Variants in RIC8B observed in about 807,000 individuals in gnomAD.
The protein encoded by RIC8B is RIC8 guanine nucleotide exchange factor B.
Under a neutral mutation model 57.5 loss-of-function variants are expected in RIC8B, and 16 were observed. The ratio of observed to expected loss-of-function variants is 0.28; its 90% CI spans 0.19 to 0.42. The LOEUF (loss-of-function observed/expected upper bound fraction) is 0.42. RIC8B is among the 10% of genes least tolerant of loss of function. The probability of loss-of-function intolerance (pLI) is 1.00; values close to 1 mark genes in which losing one functional copy is unlikely to be tolerated. For synonymous variants in RIC8B, 216 were observed against 250.8 expected, an observed-to-expected ratio of 0.86 and a Z score of 1.31; for missense variants, 481 against 677.0, an observed-to-expected ratio of 0.71 and a Z score of 3.21.
chr12:106,817,027 G>A (rs530364873), intron 3 of RIC8B, among the ~76,000 whole-genome samples: 10 of 152,256 alleles, frequency 6.6e-5, no homozygotes, highest in African/African-American at 2.4e-4. Flanking sequence ...GAAGTGCTCA[G>A]AAATTTAAAT....
At chr12:106,801,957 G>A (rs2044752924) in intron 2 of RIC8B, among the ~76,000 whole-genome samples, 1 of 152,088 alleles carries the variant, frequency 6.6e-6, no homozygotes, top group African/African-American at 2.4e-5. Flanking sequence ...CAGAAATTAA[G>A]GACTATCAGA....
chr12:106,820,583 C>T (rs1279056892), intron 3 of RIC8B, among the ~76,000 whole-genome samples: 5 of 152,104 alleles, frequency 3.3e-5, no homozygotes, highest in African/African-American at 7.2e-5. Context: ...TCCCTTCTCC[C>T]GTGCTTCCAA....
chr12:106,825,902 A>G, intron 4 of RIC8B, 82 bp downstream of exon 4: 4 of 888,750 alleles, frequency 4.5e-6, no homozygotes, highest in Middle Eastern at 2.2e-4. Flanking sequence ...CAATTGTTAT[A>G]AGCACAAGAA....
At chr12:106,786,173 G>T (rs1302427514) in intron 2 of RIC8B, among the ~76,000 whole-genome samples, 1 of 113,604 alleles carries the variant, frequency 8.8e-6, no homozygotes, top group East Asian at 2.4e-4. Context: ...TTTTTGAGAC[G>T]GAGTCTTGCT....
intron 2 of RIC8B, among the ~76,000 whole-genome samples, chr12:106,810,613 A>G (rs1418794674): frequency 6.6e-6 from 1 of 152,202 alleles, no homozygotes; most frequent in Non-Finnish European, 1.5e-5. Context: ...CTAAAACTTA[A>G]ATAGAAAAGG....
intron 2 of RIC8B, among the ~76,000 whole-genome samples, chr12:106,811,203 G>A (rs1453802291): frequency 6.6e-6 from 1 of 152,264 alleles, no homozygotes. Context: ...TGAAGGAGAA[G>A]TCAAGGTAAT....
intron 8 of RIC8B, among the ~76,000 whole-genome samples, chr12:106,863,302 C>T (rs967354877): frequency 1.3e-5 from 2 of 152,040 alleles, no homozygotes; most frequent in African/African-American, 4.8e-5. Context: ...AGGGAGCCTC[C>T]TTGCACACTT....
At chr12:106,851,092 G>A (rs527308372) in intron 6 of RIC8B, among the ~76,000 whole-genome samples, 555 of 152,268 alleles carry the variant, frequency 3.6e-3, no homozygotes, top group Non-Finnish European at 5.9e-3. Flanking sequence ...TATTAGGGAA[G>A]TCTTCATGGA....
intron 4 of RIC8B, among the ~76,000 whole-genome samples, chr12:106,842,282 T>TA (rs1339626765): frequency 6.6e-6 from 1 of 152,198 alleles, no homozygotes; most frequent in African/African-American, 2.4e-5. Flanking sequence ...GTTGCCATAA[T>TA]AAAATTAAGG....
intron 2 of RIC8B, among the ~76,000 whole-genome samples, chr12:106,790,565 A>G (rs2044223850): frequency 1.3e-5 from 2 of 152,236 alleles, no homozygotes; most frequent in Admixed American, 6.5e-5. Context: ...CAAATATGTC[A>G]TGCAAATATG....
At chr12:106,838,442 G>A (rs1426904271) in intron 4 of RIC8B, among the ~76,000 whole-genome samples, 6 of 151,948 alleles carry the variant, frequency 3.9e-5, no homozygotes, top group Admixed American at 3.9e-4. Context: ...GGAGGCTCAG[G>A]TGGGAGGATC....
At chr12:106,774,944 G>T in intron 1 of RIC8B, 115 bp downstream of exon 1, 2 of 795,624 alleles carry the variant, frequency 2.5e-6, no homozygotes, top group Non-Finnish European at 4.0e-6. Flanking sequence ...GCTCTCCCCC[G>T]AAAACGTTTC....
chr12:106,804,917 C>G (rs1453379304), intron 2 of RIC8B, among the ~76,000 whole-genome samples: 1 of 152,010 alleles, frequency 6.6e-6, no homozygotes, highest in Admixed American at 6.6e-5. Context: ...AGGAGTGATT[C>G]AAGAAGGTCA....
In RIC8B at chr12:106,811,252, C is replaced by T. The variant is rs532211862; in HGVS notation, c.133-3444C>T. On this transcript the variant is annotated intron_variant, in intron 2 of 9. Coordinates refer to ENST00000392837, the MANE Select transcript of RIC8B (RefSeq NM_001330145.2). ...TCAAGTCTGCCTGCTTTTCTGTGTTCGTCTGGTCAGGTATTCTCAGTTAAC... is the reference window on the plus strand; with the variant it reads ...TCAAGTCTGCCTGCTTTTCTGTGTTTGTCTGGTCAGGTATTCTCAGTTAAC... 4.6e-5 allele frequency among the ~76,000 whole-genome samples: 7 copies of T among 152,314 alleles called. No individual in the cohort carries two copies. The Middle Eastern group carries it at 0.014, about 296-fold the overall frequency.
chr12:106,808,544 T>C (rs2045172122), intron 2 of RIC8B, among the ~76,000 whole-genome samples: 1 of 152,206 alleles, frequency 6.6e-6, no homozygotes, highest in African/African-American at 2.4e-5. Context: ...GGCCAATACT[T>C]TTCTAAAATA....
intron 1 of RIC8B, among the ~76,000 whole-genome samples, chr12:106,783,594 A>G (rs1167250234): frequency 6.6e-6 from 1 of 152,214 alleles, no homozygotes; most frequent in Non-Finnish European, 1.5e-5. Context: ...CCTGTGTTCC[A>G]GTCTCACAAA....
chr12:106,824,775 C>T (rs777059798), intron 3 of RIC8B, among the ~76,000 whole-genome samples: 2 of 151,688 alleles, frequency 1.3e-5, no homozygotes, highest in African/African-American at 2.4e-5. Context: ...GGTGTGGTGG[C>T]GGGCACCTGT....
chr12:106,884,251 T>C (rs902775298), intron 9 of RIC8B, among the ~76,000 whole-genome samples: 1 of 152,224 alleles, frequency 6.6e-6, no homozygotes. Flanking sequence ...TATATTTGTT[T>C]TCCGTGCTCC....
intron 4 of RIC8B, among the ~76,000 whole-genome samples, chr12:106,834,769 G>A (rs1439672382): frequency 3.3e-5 from 5 of 151,904 alleles, no homozygotes; most frequent in South Asian, 2.1e-4. Context: ...AGATCACGAG[G>A]TCAAGAGATC....
Sources: allele counts gnomAD v4.1 joint callset (sites outside exome capture counted in the v4.1 genomes callset), GRCh38; gene constraint gnomAD v4.1.1; transcripts MANE v1.5; gene names NCBI Gene and HGNC (gene_info 2026-07-23, HGNC 2026-07-21).